DDX23: variants seen among roughly 807,000 people sequenced by gnomAD.
DDX23 encodes DEAD-box helicase 23, also known as probable ATP-dependent RNA helicase DDX23.
A neutral mutation model predicts 102.7 loss-of-function variants in DDX23; 33 were observed. The ratio of observed to expected loss-of-function variants is 0.32; its 90% CI spans 0.24 to 0.43. The LOEUF is 0.43. DDX23 is among the 20% of genes least tolerant of loss of function. DDX23 has a pLI of 1.00. For missense variants in DDX23, 549 were observed against 1,086.6 expected (o/e 0.51, Z 6.96); for synonymous variants, 352 against 376.0 (o/e 0.94, Z 0.74).
At chr12:48,840,143 C>G in intron 3 of DDX23, 37 bp from the exon 4 acceptor site, 1 of 1,523,364 alleles carries the variant, frequency 6.6e-7, no homozygotes, top group Non-Finnish European at 9.1e-7. Context: ...ATCACTCTTA[C>G]TTCAGTGCCT....
At chr12:48,851,246 T>C (rs1308758652) in intron 1 of DDX23, among the ~76,000 whole-genome samples, 1 of 151,854 alleles carries the variant, frequency 6.6e-6, no homozygotes, top group Non-Finnish European at 1.5e-5. Flanking sequence ...CCGAGACAGG[T>C]GGATTGCCTG....
intron 3 of DDX23, among the ~76,000 whole-genome samples, chr12:48,841,418 CATAG>C (rs1454660151): frequency 2.6e-5 from 4 of 152,104 alleles, no homozygotes; most frequent in Non-Finnish European, 5.9e-5. Flanking sequence ...GAGAAGAATC[CATAG>C]ATAGAAAAGC....
At chr12:48,846,365 C>T (rs1238630787) in intron 1 of DDX23, among the ~76,000 whole-genome samples, 1 of 152,198 alleles carries the variant, frequency 6.6e-6, no homozygotes, top group Non-Finnish European at 1.5e-5. Flanking sequence ...AGTGTATGAA[C>T]AGTGTACCAA....
intron 1 of DDX23, among the ~76,000 whole-genome samples, chr12:48,848,423 G>A (rs1057383282): frequency 6.6e-6 from 1 of 152,186 alleles, no homozygotes; most frequent in African/African-American, 2.4e-5. Context: ...TGATATGATG[G>A]GTAGGGGTAT....
At chr12:48,842,690 C>A (rs1272924760) in intron 3 of DDX23, among the ~76,000 whole-genome samples, 3 of 143,890 alleles carry the variant, frequency 2.1e-5, no homozygotes, top group Admixed American at 6.8e-5. Context: ...GTCAGCCCCC[C>A]GCCCGGCCAG....
At chr12:48,842,383 C>A (rs1272751245) in intron 3 of DDX23, among the ~76,000 whole-genome samples, 2 of 144,950 alleles carry the variant, frequency 1.4e-5, no homozygotes, top group Non-Finnish European at 3.1e-5. Context: ...TCAGCCGCCC[C>A]GTCCGGGAAG....
chr12:48,836,874 C>T lies in DDX23; in HGVS notation c.1010+20G>A. 1.2e-6 allele frequency: 2 copies of T among 1,613,948 alleles called. No homozygotes were observed. Among genetic ancestry groups the T allele is most frequent in the East Asian group, 4.5e-5 (2 of 44,876 alleles). ...AGAGCCTCTGGGCTCTGTCCAGCCA[C>T]CCTAGCCTTGATCACTCACTCCTCC... is the stretch of plus-strand genomic sequence containing the variant. On this transcript the variant is annotated intron_variant, in intron 9 of 16. Coordinates refer to ENST00000308025, the MANE Select transcript of DDX23 (RefSeq NM_004818.3). The surrounding 1 kb of genome is among the most constrained non-coding windows in gnomAD (Gnocchi z 6.1).
chr12:48,843,616 T>C (rs1938611471), intron 3 of DDX23, among the ~76,000 whole-genome samples: 1 of 147,830 alleles, frequency 6.8e-6, no homozygotes. Flanking sequence ...TGGCGTGATC[T>C]CGACTCACTG....
At position 48,837,397 on chromosome 12, in the gene DDX23, C is replaced by T. The variant is rs757855432; in HGVS notation, c.754-4G>A. 6.2e-7 allele frequency: 1 copy of T among 1,614,118 alleles called. No homozygotes were observed. Among genetic ancestry groups the T allele is most frequent in the Non-Finnish European group, 8.5e-7 (1 of 1,179,962 alleles). On this transcript the variant is annotated splice_polypyrimidine_tract_variant and splice_region_variant and intron_variant, in intron 7 of 16. Transcript: ENST00000308025. ...TGATGCCACCCAGGTAACGCTCCTA[C>T]CCAGGGACAGAACACAAAGCACATG...
chr12:48,839,289 T>G (rs948755265), intron 5 of DDX23, among the ~76,000 whole-genome samples: 2 of 151,554 alleles, frequency 1.3e-5, no homozygotes, highest in Admixed American at 6.6e-5. Flanking sequence ...CTGGGCACAG[T>G]GGCTCACGCC....
At position 48,832,274 on chromosome 12, in the gene DDX23, G is replaced by A; in HGVS notation, c.1956-88C>T. On this transcript the variant is annotated intron_variant, in intron 14 of 16. Coordinates refer to ENST00000308025, the MANE Select transcript of DDX23 (RefSeq NM_004818.3). The surrounding 1 kb of genome is among the most constrained non-coding windows in gnomAD (Gnocchi z 4.4). ...CCTCATCTATGAACACTACTTTCAG[G>A]GTCTTTAATGCCCATGACATTCTGC... is the stretch of plus-strand genomic sequence containing the variant. The A allele has an allele frequency of 1.3e-6, 2 of 1,552,270 alleles. No individual in the cohort carries two copies. The highest frequency in any genetic ancestry group is 1.8e-6 in the Non-Finnish European group (2 of 1,130,334).
intron 3 of DDX23, among the ~76,000 whole-genome samples, chr12:48,840,530 G>A (rs1358139412): frequency 6.6e-6 from 1 of 151,138 alleles, no homozygotes; most frequent in Admixed American, 6.6e-5. Flanking sequence ...AATTAGCCAG[G>A]TGTGGTTGTT....
intron 3 of DDX23, among the ~76,000 whole-genome samples, chr12:48,843,279 C>A (rs1388761626): frequency 6.6e-6 from 1 of 150,416 alleles, no homozygotes; most frequent in Non-Finnish European, 1.5e-5. Context: ...GCAAGAAACA[C>A]CCAAGAATGA....
At chr12:48,838,118 G>A (rs1162007142) in intron 5 of DDX23, 38 bp from the exon 6 acceptor site, 3 of 1,612,954 alleles carry the variant, frequency 1.9e-6, no homozygotes, top group Non-Finnish European at 2.5e-6. Context: ...AAGGATCTGG[G>A]AGCAGGGTAC....
chr12:48,850,835 C>T (rs937187563), intron 1 of DDX23, among the ~76,000 whole-genome samples: 1 of 152,104 alleles, frequency 6.6e-6, no homozygotes, highest in Non-Finnish European at 1.5e-5. Flanking sequence ...TTATTGGTGA[C>T]CTTGACAAGA....
intron 15 of DDX23, 44 bp from the exon 16 acceptor site, chr12:48,831,360 G>A (rs1938383701): frequency 1.3e-6 from 2 of 1,599,474 alleles, no homozygotes; most frequent in Non-Finnish European, 1.7e-6. Flanking sequence ...ATGCAATCAA[G>A]GAGAGACACA....
Position 48,849,588 on chromosome 12 carries a change from G to GGTGCGGGTTGTT in DDX23, c.-1+2484_-1+2495dup, listed in dbSNP as rs111815050. On this transcript the variant is annotated intron_variant, in intron 1 of 16. Coordinates refer to ENST00000308025, the MANE Select transcript of DDX23 (RefSeq NM_004818.3). ...GAGGCAGAACTGCTTGAACCCAGGA[G>GGTGCGGGTTGTT]GTGCGGGTTGTTGTGAGCCGAGATA... Among the ~76,000 whole-genome samples, 780 of 152,144 alleles carry GGTGCGGGTTGTT rather than the reference G, an allele frequency of 5.1e-3. 10 individuals are homozygous for GGTGCGGGTTGTT. Among genetic ancestry groups the GGTGCGGGTTGTT allele is most frequent in the African/African-American group, 0.018 (732 of 41,522 alleles).
intron 1 of DDX23, among the ~76,000 whole-genome samples, chr12:48,847,618 A>G (rs1218281413): frequency 6.6e-6 from 1 of 151,836 alleles, no homozygotes; most frequent in Non-Finnish European, 1.5e-5. Flanking sequence ...TCGCTTGTCC[A>G]GGAGTTCGAG....
intron 1 of DDX23, among the ~76,000 whole-genome samples, chr12:48,848,198 A>G (rs1311239999): frequency 1.3e-5 from 2 of 152,018 alleles, no homozygotes; most frequent in Non-Finnish European, 2.9e-5. Context: ...AGGCAGGAGA[A>G]TGGCGTGAAC....
Sources: allele counts gnomAD v4.1 joint callset (sites outside exome capture counted in the v4.1 genomes callset), GRCh38; gene constraint gnomAD v4.1.1; non-coding constraint Gnocchi (gnomAD v3.1); transcripts MANE v1.5; gene names NCBI Gene and HGNC (gene_info 2026-07-23, HGNC 2026-07-21).